ATL1: variants seen among roughly 807,000 people sequenced by gnomAD.
The protein encoded by ATL1 is atlastin-1.
A neutral mutation model predicts 75.5 loss-of-function variants in ATL1; 31 were observed. The observed-to-expected ratio is 0.41, with a 90% CI of 0.31 to 0.55. The LOEUF is 0.55. Among genes scored for constraint, ATL1 ranks in the 20% least tolerant of loss-of-function variants. The pLI is 0.27. For synonymous variants in ATL1, 226 were observed against 233.3 expected, an observed-to-expected ratio of 0.97 and a Z score of 0.28; for missense variants, 405 against 662.6, an observed-to-expected ratio of 0.61 and a Z score of 4.27.
At chr14:50,624,896 C>T (rs144895667) in intron 11 of ATL1, among the ~76,000 whole-genome samples, 121 of 151,922 alleles carry the variant, frequency 8.0e-4, no homozygotes, top group African/African-American at 2.7e-3. Context: ...ATGGTGAAAC[C>T]CTGTCTCTAC....
chr14:50,620,746 A>G lies in ATL1; in HGVS notation c.990+20A>G, dbSNP rs772116613. 6.2e-7 allele frequency: 1 copy of G among 1,612,112 alleles called. No homozygotes were observed. Among genetic ancestry groups the G allele is most frequent in the Admixed American group, 1.7e-5 (1 of 59,968 alleles). ...TTCAAGGTATCACTCTCATTTCTAG[A>G]GCATTCGTGGGATAGATTTGACATA... On this transcript the variant is annotated intron_variant, in intron 9 of 13. Coordinates refer to ENST00000358385, the MANE Select transcript of ATL1 (RefSeq NM_015915.5).
In ATL1 at chr14:50,569,456, A is replaced by G. The variant is rs531291391; in HGVS notation, c.34+9157A>G. Among the ~76,000 whole-genome samples the G allele has an allele frequency of 3.3e-5, 5 of 152,274 alleles. No homozygotes were observed. The South Asian group carries it at 1.0e-3, about 32-fold the overall frequency. On this transcript the variant is annotated intron_variant, in intron 1 of 13. Coordinates refer to ENST00000358385, the MANE Select transcript of ATL1 (RefSeq NM_015915.5). ...AATACATTACTTTCTTAAATTATAT[A>G]GAAAACAAAATGTGGAATTACAGAC...
chr14:50,610,087 C>T lies in ATL1; in HGVS notation c.631-3172C>T, dbSNP rs374441530. Among the ~76,000 whole-genome samples, 14 of 151,928 alleles carry T rather than the reference C, an allele frequency of 9.2e-5. No homozygotes were observed. The East Asian group carries it at 9.7e-4, about 10-fold the overall frequency. ...TTCACACCCGCCTCTCTACCACATA[C>T]GCATAATGAGAGCCCCTTAAGAAGA... is the stretch of plus-strand genomic sequence containing the variant. On this transcript the variant is annotated intron_variant, in intron 6 of 13. Coordinates refer to ENST00000358385, the MANE Select transcript of ATL1 (RefSeq NM_015915.5).
chr14:50,620,025 C>T (rs977024338), intron 8 of ATL1, among the ~76,000 whole-genome samples: 2 of 151,976 alleles, frequency 1.3e-5, no homozygotes, highest in East Asian at 1.9e-4. Flanking sequence ...CTTGGGAGGC[C>T]GAGGCGGGAG....
intron 1 of ATL1, among the ~76,000 whole-genome samples, chr14:50,581,303 C>T (rs2039052850): frequency 6.6e-6 from 1 of 150,660 alleles, no homozygotes; most frequent in Admixed American, 6.6e-5. Flanking sequence ...TTTTATATGT[C>T]ATATTTTAAA....
intron 1 of ATL1, among the ~76,000 whole-genome samples, chr14:50,583,003 A>G (rs1323048360): frequency 3.3e-5 from 5 of 152,184 alleles, no homozygotes; most frequent in African/African-American, 1.2e-4. Context: ...AAAATTCATT[A>G]TTTGTTTGTG....
intron 1 of ATL1, among the ~76,000 whole-genome samples, chr14:50,579,896 G>T (rs754193612): frequency 6.6e-6 from 1 of 152,074 alleles, no homozygotes; most frequent in African/African-American, 2.4e-5. Flanking sequence ...CTAAGAGCTG[G>T]TTATTAAACA....
At chr14:50,554,109 G>GTT (rs369844075) in intron 1 of ATL1, among the ~76,000 whole-genome samples, 3 of 146,498 alleles carry the variant, frequency 2.0e-5, no homozygotes, top group Admixed American at 1.4e-4. Context: ...TTTTTAAAAA[G>GTT]TTTTTTTTTT....
chr14:50,590,298 T>C (rs989884450), intron 2 of ATL1, among the ~76,000 whole-genome samples: 10 of 152,230 alleles, frequency 6.6e-5, no homozygotes, highest in African/African-American at 9.6e-5. Context: ...AATTCATCTC[T>C]GCTTCTTCAT....
rs762040115 is a variant in ATL1 at position 50,614,514 on chromosome 14, T to C, written c.862+3T>C. The C allele has an allele frequency of 6.2e-7, 1 of 1,613,698 alleles. No individual in the cohort carries two copies. The highest frequency in any genetic ancestry group is 8.5e-7 in the Non-Finnish European group (1 of 1,179,790). ...AAACTTTGATGGAAAATTGAAAGGTTTGTGTCTTTTAATGAATATGTTTGC... is the reference window on the plus strand; with the variant it reads ...AAACTTTGATGGAAAATTGAAAGGTCTGTGTCTTTTAATGAATATGTTTGC... On this transcript the variant is annotated splice_donor_region_variant and intron_variant, in intron 8 of 13. Transcript: ENST00000358385.
intron 1 of ATL1, among the ~76,000 whole-genome samples, chr14:50,570,159 G>A (rs577605125): frequency 6.6e-6 from 1 of 152,090 alleles, no homozygotes; most frequent in East Asian, 1.9e-4. Flanking sequence ...TTCTTCTTCT[G>A]TAACTATTAC....
chr14:50,566,582 A>C (rs551557447), intron 1 of ATL1, among the ~76,000 whole-genome samples: 2 of 152,298 alleles, frequency 1.3e-5, no homozygotes, highest in Admixed American at 6.5e-5. Context: ...ACTGATTACC[A>C]GTGAGATGTG....
At chr14:50,585,550 G>T (rs1423385968) in intron 1 of ATL1, among the ~76,000 whole-genome samples, 1 of 152,096 alleles carries the variant, frequency 6.6e-6, no homozygotes, top group Non-Finnish European at 1.5e-5. Flanking sequence ...ACTGTAATCA[G>T]ACATGAATAG....
chr14:50,548,412 C>T (rs1375569754), intron 1 of ATL1, among the ~76,000 whole-genome samples: 1 of 152,164 alleles, frequency 6.6e-6, no homozygotes, highest in Non-Finnish European at 1.5e-5. Context: ...GCCACAGGAT[C>T]CTTTTGTATT....
intron 1 of ATL1, among the ~76,000 whole-genome samples, chr14:50,584,455 G>T (rs1011414941): frequency 6.6e-6 from 1 of 152,160 alleles, no homozygotes; most frequent in Non-Finnish European, 1.5e-5. Context: ...TGTAATCCCA[G>T]CACTTTGGGA....
At chr14:50,627,301 C>A (rs1166913611) in intron 11 of ATL1, among the ~76,000 whole-genome samples, 1 of 152,170 alleles carries the variant, frequency 6.6e-6, no homozygotes, top group Non-Finnish European at 1.5e-5. Flanking sequence ...CTTTACTAGA[C>A]TGCTACATAA....
intron 1 of ATL1, 43 bp from the exon 2 acceptor site, chr14:50,587,788 C>T: frequency 1.2e-6 from 2 of 1,613,798 alleles, no homozygotes; most frequent in Non-Finnish European, 8.5e-7. Context: ...TTTCTTGGCA[C>T]TTTGAGATGA....
At chr14:50,592,841 G>A (rs2039173061) in intron 4 of ATL1, among the ~76,000 whole-genome samples, 2 of 148,544 alleles carry the variant, frequency 1.3e-5, no homozygotes. Flanking sequence ...AACCCAGGAG[G>A]CAGAGCACTT....
chr14:50,585,921 G>C (rs1376343610), intron 1 of ATL1, among the ~76,000 whole-genome samples: 1 of 152,110 alleles, frequency 6.6e-6, no homozygotes, highest in Non-Finnish European at 1.5e-5. Context: ...TAGATGCTTT[G>C]TATGATTGTT....
Sources: gnomAD v4.1 joint callset for allele counts (sites outside exome capture counted in the v4.1 genomes callset) on GRCh38, gnomAD v4.1.1 for gene constraint, MANE v1.5 for transcripts, NCBI Gene and HGNC (gene_info 2026-07-23, HGNC 2026-07-21) for gene names.